The following SPAG16 variants were observed in gnomAD, a reference collection of about 807,000 sequenced individuals.
SPAG16 encodes sperm-associated antigen 16 protein.
SPAG16 carries 86 observed loss-of-function variants against 80.4 expected under a neutral mutation model. The ratio of observed to expected loss-of-function variants is 1.07; its 90% confidence interval spans 0.90 to 1.28. The LOEUF (loss-of-function observed/expected upper bound fraction) is 1.28. SPAG16 is among the 50% of genes most tolerant of loss of function. The pLI is 0.00. For missense variants in SPAG16, 870 were observed against 765.3 expected, an observed-to-expected ratio of 1.14 and a Z score of -1.61; for synonymous variants, 294 against 265.9, an observed-to-expected ratio of 1.11 and a Z score of -1.03.
chr2:214,316,002 G>T (rs1267476978), intron 15 of SPAG16, among the ~76,000 whole-genome samples: 2 of 152,138 alleles, frequency 1.3e-5, no homozygotes, highest in African/African-American at 4.8e-5. Context: ...TCATTGATCT[G>T]CCCTAGCTTC....
intron 15 of SPAG16, among the ~76,000 whole-genome samples, chr2:214,301,864 A>T (rs1694575947): frequency 6.6e-6 from 1 of 151,980 alleles, no homozygotes; most frequent in Non-Finnish European, 1.5e-5. Flanking sequence ...GAGGTGCAAC[A>T]TTAGGTCATC....
chr2:214,170,419 C>T (rs1010961588), intron 15 of SPAG16, among the ~76,000 whole-genome samples: 2 of 151,948 alleles, frequency 1.3e-5, no homozygotes, highest in Admixed American at 6.6e-5. Context: ...TGCAGACAAT[C>T]GGATAGATAC....
At chr2:213,663,443 G>A (rs1156538974) in intron 10 of SPAG16, among the ~76,000 whole-genome samples, 1 of 152,070 alleles carries the variant, frequency 6.6e-6, no homozygotes, top group Non-Finnish European at 1.5e-5. Context: ...TATTTTGTAT[G>A]TAACACTAGC....
chr2:213,864,572 T>C (rs969174217), intron 11 of SPAG16, among the ~76,000 whole-genome samples: 2 of 152,092 alleles, frequency 1.3e-5, no homozygotes, highest in Non-Finnish European at 2.9e-5. Flanking sequence ...CCTCCTATGC[T>C]CTTCACACAA....
rs2069210726 is a variant in SPAG16, at chr2:213,770,957, A to G, written c.1071-91528A>G. ...AAGTGTCTTTATAATAGAATGATTTATATTCCTTTGGGTATATACTCTGTA... is the reference window on the plus strand; with the variant it reads ...AAGTGTCTTTATAATAGAATGATTTGTATTCCTTTGGGTATATACTCTGTA... On this transcript the variant is annotated intron_variant, in intron 10 of 15. Coordinates refer to ENST00000331683, the MANE Select transcript of SPAG16 (RefSeq NM_024532.5). Among the ~76,000 whole-genome samples the G allele has an allele frequency of 2.0e-5, 3 of 152,140 alleles. No homozygotes were observed. In the South Asian group the frequency reaches 6.2e-4, roughly 31 times the overall value.
chr2:213,833,972 G>A (rs925325841), intron 10 of SPAG16, among the ~76,000 whole-genome samples: 2 of 151,982 alleles, frequency 1.3e-5, no homozygotes, highest in Non-Finnish European at 2.9e-5. Context: ...GAATTCCCAC[G>A]TGTTGTGGAA....
At chr2:214,116,031 G>A (rs1311733629) in intron 14 of SPAG16, among the ~76,000 whole-genome samples, 2 of 152,162 alleles carry the variant, frequency 1.3e-5, no homozygotes, top group Non-Finnish European at 2.9e-5. Flanking sequence ...ATTATTTTGA[G>A]AGTACAGACC....
chr2:213,911,026 G>T lies in SPAG16; in HGVS notation c.1215-18934G>T, dbSNP rs548413319. Among the ~76,000 whole-genome samples the T allele has an allele frequency of 2.1e-4, 32 of 152,058 alleles. No individual in the cohort carries two copies. In the Middle Eastern group the frequency reaches 0.01, roughly 48 times the overall value. On this transcript the variant is annotated intron_variant, in intron 11 of 15. Coordinates refer to ENST00000331683, the MANE Select transcript of SPAG16 (RefSeq NM_024532.5). ...GATGTAAGAACTATTGAGTCCTCCT[G>T]TTCCACCCCCTCTCATAAAAACACT...
In SPAG16 at chr2:213,500,462, G is replaced by A. The variant is rs771140771; in HGVS notation, c.1070+10372G>A. On this transcript the variant is annotated intron_variant, in intron 10 of 15. Coordinates refer to ENST00000331683, the MANE Select transcript of SPAG16 (RefSeq NM_024532.5). ...AACTTTATGTGAGAGGAGAAAAGTG[G>A]TCTTGAATCGAGAAAAACCCAGTTA... Among the ~76,000 whole-genome samples the A allele has an allele frequency of 5.3e-4, 80 of 152,294 alleles. No individual in the cohort carries two copies. In the Middle Eastern group the frequency reaches 0.017, roughly 32 times the overall value.
At chr2:214,272,230 C>T (rs1469841814) in intron 15 of SPAG16, among the ~76,000 whole-genome samples, 1 of 151,910 alleles carries the variant, frequency 6.6e-6, no homozygotes, top group Non-Finnish European at 1.5e-5. Flanking sequence ...TTATATTTTG[C>T]TATCATCTAC....
intron 15 of SPAG16, among the ~76,000 whole-genome samples, chr2:214,275,957 CT>C (rs1559174367): frequency 6.6e-6 from 1 of 152,118 alleles, no homozygotes; most frequent in East Asian, 1.9e-4. Flanking sequence ...TAAGGACTTG[CT>C]TTATGCATCT....
intron 9 of SPAG16, among the ~76,000 whole-genome samples, chr2:213,446,128 A>G (rs2071295220): frequency 6.6e-6 from 1 of 152,230 alleles, no homozygotes; most frequent in South Asian, 2.1e-4. Context: ...GGTTAAAGGA[A>G]CATCAGCCCA....
chr2:213,816,708 T>C (rs1182084468), intron 10 of SPAG16, among the ~76,000 whole-genome samples: 1 of 152,068 alleles, frequency 6.6e-6, no homozygotes, highest in Non-Finnish European at 1.5e-5. Context: ...TCCTAAGGCA[T>C]ATTGTTTTCT....
At chr2:213,579,949 T>C (rs562927223) in intron 10 of SPAG16, among the ~76,000 whole-genome samples, 11 of 152,254 alleles carry the variant, frequency 7.2e-5, no homozygotes, top group African/African-American at 2.6e-4. Flanking sequence ...TTAACATTGT[T>C]TATCTAAATA....
At chr2:213,868,395 C>T (rs1267932124) in intron 11 of SPAG16, among the ~76,000 whole-genome samples, 6 of 151,952 alleles carry the variant, frequency 3.9e-5, no homozygotes, top group Admixed American at 3.9e-4. Context: ...CTTCCTTATC[C>T]ACAGGCAGGT....
chr2:214,025,755 T>C (rs2048095852), intron 13 of SPAG16, among the ~76,000 whole-genome samples: 1 of 151,566 alleles, frequency 6.6e-6, no homozygotes, highest in Non-Finnish European at 1.5e-5. Context: ...ATGGTGACTT[T>C]TTTTCAACCA....
chr2:213,788,370 TATATAA>T (rs2070475225), intron 10 of SPAG16, among the ~76,000 whole-genome samples: 1 of 152,036 alleles, frequency 6.6e-6, no homozygotes, highest in Admixed American at 6.6e-5. Context: ...TATACATATG[TATATAA>T]ATATAAACAT....
chr2:213,471,316 C>A (rs1447153294), intron 9 of SPAG16, among the ~76,000 whole-genome samples: 1 of 152,128 alleles, frequency 6.6e-6, no homozygotes, highest in South Asian at 2.1e-4. Flanking sequence ...GCCTTCAGAA[C>A]CTGCTTGAGC....
intron 12 of SPAG16, among the ~76,000 whole-genome samples, chr2:213,998,373 G>T (rs896991753): frequency 1.3e-5 from 2 of 152,116 alleles, no homozygotes; most frequent in Non-Finnish European, 2.9e-5. Context: ...TAAGTCTCAC[G>T]AGATCTGATG....
Sources: gnomAD v4.1 joint callset for allele counts (sites outside exome capture counted in the v4.1 genomes callset) on GRCh38, gnomAD v4.1.1 for gene constraint, MANE v1.5 for transcripts, NCBI Gene and HGNC (gene_info 2026-07-23, HGNC 2026-07-21) for gene names.